Variants in HOOK3 observed in about 807,000 individuals in gnomAD.
HOOK3 encodes the protein hook microtubule tethering protein 3.
Under a neutral mutation model 116.3 loss-of-function variants are expected in HOOK3, and 24 were observed. The ratio of observed to expected loss-of-function variants is 0.21; its 90% confidence interval spans 0.15 to 0.29. The LOEUF (loss-of-function observed/expected upper bound fraction) is 0.29, where lower values mean the gene tolerates loss of function less well. Among genes scored for constraint, HOOK3 ranks in the 10% least tolerant of loss-of-function variants. The probability of loss-of-function intolerance (pLI) is 1.00; values close to 1 mark genes in which losing one functional copy is unlikely to be tolerated. For missense variants in HOOK3, 632 were observed against 830.2 expected (o/e 0.76, Z 2.93); for synonymous variants, 275 against 283.0 (o/e 0.97, Z 0.28).
At chr8:42,917,069 G>T (rs928093580) in intron 2 of HOOK3, among the ~76,000 whole-genome samples, 1 of 152,174 alleles carries the variant, frequency 6.6e-6, no homozygotes, top group Admixed American at 6.5e-5. Context: ...CCATGACCCC[G>T]TGCTCCCTTA....
chr8:42,947,935 A>C (rs1292476004), intron 5 of HOOK3, among the ~76,000 whole-genome samples: 1 of 152,170 alleles, frequency 6.6e-6, no homozygotes, highest in Non-Finnish European at 1.5e-5. Context: ...TTTCCTAATT[A>C]GAAGAAGTGA....
At chr8:42,959,114 G>T (rs1808490535) in intron 7 of HOOK3, 117 bp from the exon 8 acceptor site, 2 of 648,056 alleles carry the variant, frequency 3.1e-6, no homozygotes, top group African/African-American at 1.8e-5. Context: ...ATTTCCTCTT[G>T]CACCCTTCCC....
chr8:42,928,386 G>A (rs894828611), intron 3 of HOOK3, among the ~76,000 whole-genome samples: 2 of 152,082 alleles, frequency 1.3e-5, no homozygotes, highest in South Asian at 2.1e-4. Flanking sequence ...AGGAGGCGGA[G>A]GTTGCAGTGA....
intron 8 of HOOK3, among the ~76,000 whole-genome samples, chr8:42,960,308 A>C (rs577633144): frequency 6.6e-6 from 1 of 152,308 alleles, no homozygotes; most frequent in Non-Finnish European, 1.5e-5. Flanking sequence ...AAACATTTAC[A>C]GTATGGTCCT....
intron 11 of HOOK3, among the ~76,000 whole-genome samples, chr8:42,970,782 C>CTTTTTTTTTTTTTTTTTTTT (rs764513803): frequency 3.2e-5 from 3 of 93,892 alleles, no homozygotes; most frequent in African/African-American, 1.3e-4. Flanking sequence ...GAATTTGGGT[C>CTTTTTTTTTTTTTTTTTTTT]TTTTTTTTTT....
chr8:42,963,532 G>T (rs750536666), intron 8 of HOOK3, among the ~76,000 whole-genome samples: 1 of 152,188 alleles, frequency 6.6e-6, no homozygotes, highest in Admixed American at 6.5e-5. Flanking sequence ...AAATACCTAG[G>T]AGTAGGATGG....
intron 7 of HOOK3, among the ~76,000 whole-genome samples, chr8:42,957,460 T>G (rs1431041328): frequency 2.6e-5 from 4 of 152,206 alleles, no homozygotes; most frequent in African/African-American, 9.6e-5. Flanking sequence ...ATTTTTCTGT[T>G]AGTGATATCA....
intron 13 of HOOK3, among the ~76,000 whole-genome samples, chr8:42,976,345 A>C (rs1363716717): frequency 6.6e-6 from 1 of 151,784 alleles, no homozygotes; most frequent in Admixed American, 6.6e-5. Flanking sequence ...CCACCCCAAC[A>C]AAAAAAATTT....
intron 2 of HOOK3, among the ~76,000 whole-genome samples, chr8:42,907,890 C>A (rs1453905931): frequency 6.9e-6 from 1 of 145,718 alleles, no homozygotes; most frequent in Non-Finnish European, 1.5e-5. Flanking sequence ...ATCACTGTTA[C>A]CTGACAATGT....
chr8:42,939,642 C>T (rs546593937), intron 4 of HOOK3, among the ~76,000 whole-genome samples: 13 of 150,818 alleles, frequency 8.6e-5, no homozygotes, highest in African/African-American at 1.5e-4. Flanking sequence ...ACCTCCCTCC[C>T]GGACGGGGTG....
chr8:42,903,910 C>T (rs1166161127), intron 1 of HOOK3, among the ~76,000 whole-genome samples: 3 of 151,866 alleles, frequency 2.0e-5, no homozygotes, highest in Admixed American at 1.3e-4. Context: ...GAGCCGATAT[C>T]GCGCCACTGC....
rs114976008 is a variant in HOOK3, at chr8:42,932,983, A to T, written c.267+2811A>T. On this transcript the variant is annotated intron_variant, in intron 4 of 21. Transcript: ENST00000307602. The stretch of plus-strand genomic sequence containing the variant: ...ATTCATTTTATGTGTTATACTTCAT[A>T]AACTAGATGAAGGTACTTGCCTATA... Among the ~76,000 whole-genome samples, 637 of 152,326 alleles carry T rather than the reference A, an allele frequency of 4.2e-3. 4 individuals carry two copies. Among genetic ancestry groups the T allele is most frequent in the African/African-American group, 0.015 (616 of 41,552 alleles).
At chr8:42,919,042 G>T (rs1261014872) in intron 2 of HOOK3, among the ~76,000 whole-genome samples, 2 of 147,160 alleles carry the variant, frequency 1.4e-5, no homozygotes, top group Non-Finnish European at 3.0e-5. Context: ...TGGCCGGGCG[G>T]GGGCTGCCCC....
At chr8:42,909,634 G>T (rs570903357) in intron 2 of HOOK3, among the ~76,000 whole-genome samples, 16 of 152,042 alleles carry the variant, frequency 1.1e-4, no homozygotes, top group African/African-American at 1.9e-4. Context: ...AGCCTTTTTT[G>T]TTGTTGTTGT....
At chr8:42,997,009 C>T (rs1017021494) in intron 15 of HOOK3, among the ~76,000 whole-genome samples, 9 of 148,066 alleles carry the variant, frequency 6.1e-5, no homozygotes, top group Non-Finnish European at 1.2e-4. Context: ...TGGGCTCAAG[C>T]GATCCTCCTA....
intron 2 of HOOK3, among the ~76,000 whole-genome samples, chr8:42,917,257 C>T (rs763792932): frequency 6.6e-6 from 1 of 152,156 alleles, no homozygotes; most frequent in African/African-American, 2.4e-5. Context: ...TCTCACTGAG[C>T]GCGTTGAGGT....
At chr8:42,980,013 G>A in intron 13 of HOOK3, among the ~76,000 whole-genome samples, 1 of 148,954 alleles carries the variant, frequency 6.7e-6, no homozygotes, top group Admixed American at 6.7e-5. Context: ...GCCCAGGCTG[G>A]AGCGCAATGG....
At chr8:42,955,653 C>T (rs1306596242) in intron 6 of HOOK3, among the ~76,000 whole-genome samples, 1 of 151,816 alleles carries the variant, frequency 6.6e-6, no homozygotes, top group Admixed American at 6.6e-5. Flanking sequence ...CAAGTCTGAG[C>T]TAAGTGAGGA....
chr8:42,940,308 C>G (rs1055656543), intron 4 of HOOK3, among the ~76,000 whole-genome samples: 1 of 152,204 alleles, frequency 6.6e-6, no homozygotes, highest in Non-Finnish European at 1.5e-5. Context: ...AGCGAAACCC[C>G]GTCTCCACCA....
Sources: allele counts gnomAD v4.1 joint callset (sites outside exome capture counted in the v4.1 genomes callset), GRCh38; gene constraint gnomAD v4.1.1; transcripts MANE v1.5; gene names NCBI Gene and HGNC (gene_info 2026-07-23, HGNC 2026-07-21).